Variants in OOSP4B observed in about 807,000 individuals in gnomAD.
OOSP4B encodes the protein oocyte secreted protein family member 4B.
chr11:60,030,356 C>T (rs545963928), intron 4 of OOSP4B, among the ~76,000 whole-genome samples: 75 of 152,252 alleles, frequency 4.9e-4, no homozygotes, highest in African/African-American at 1.7e-3. Flanking sequence ...ACATCTAATT[C>T]GCACTTTTCC....
chr11:60,022,221 TA>T (rs1409086040), intron 1 of OOSP4B: 1 of 152,134 alleles, frequency 6.6e-6, no homozygotes, highest in African/African-American at 2.4e-5. Flanking sequence ...GCTCCTTTCT[TA>T]GTCTGAATAA....
chr11:60,018,123 G>A (rs1183184436), intron 1 of OOSP4B, among the ~76,000 whole-genome samples: 1 of 152,182 alleles, frequency 6.6e-6, no homozygotes, highest in Non-Finnish European at 1.5e-5. Context: ...ATTACCGTGA[G>A]GTAATGAGAG....
rs114071295 is a variant in OOSP4B, at chr11:60,030,357, G to A, written c.450+428G>A. Among the ~76,000 whole-genome samples the A allele has an allele frequency of 4.0e-3, 607 of 152,190 alleles. 7 individuals are homozygous for A. Among genetic ancestry groups the A allele is most frequent in the African/African-American group, 0.014 (561 of 41,524 alleles). On this transcript the variant is annotated intron_variant, in intron 4 of 4. Transcript: ENST00000642343. ...CAGAGGAAGTCACTACATCTAATTC[G>A]CACTTTTCCTAAGATTAATACCTGT...
chr11:60,020,427 C>G (rs1057036207), intron 1 of OOSP4B, among the ~76,000 whole-genome samples: 1 of 114,596 alleles, frequency 8.7e-6, no homozygotes, highest in African/African-American at 3.5e-5. Flanking sequence ...TAAGGCCTAG[C>G]GAGAAGTCGA....
At chr11:60,019,233 T>A (rs4341560) in intron 1 of OOSP4B, among the ~76,000 whole-genome samples, 20 of 148,952 alleles carry the variant, frequency 1.3e-4, no homozygotes, top group African/African-American at 4.2e-4. Context: ...AGAAAAAAAA[T>A]AAAAAAAAAT....
At position 60,030,021 on chromosome 11, in the gene OOSP4B, G is replaced by A. The variant is rs78240557; in HGVS notation, c.450+92G>A. On this transcript the variant is annotated intron_variant, in intron 4 of 4. Transcript: ENST00000642343. ...CAATGATGTAAATTCCTATTTGAAT[G>A]CTGCATGCTGAAATTGCTCTGGTTT... The A allele has an allele frequency of 5.6e-3, 2,218 of 395,452 alleles. 45 individuals carry two copies. Among genetic ancestry groups the A allele is most frequent in the African/African-American group, 0.04 (1,954 of 48,652 alleles). 24.5% of individuals were successfully genotyped at this position (395,452 alleles called of 1,614,324 possible).
intron 1 of OOSP4B, among the ~76,000 whole-genome samples, 198 bp downstream of exon 1, chr11:60,017,611 T>G (rs1854640915): frequency 6.6e-6 from 1 of 152,130 alleles, no homozygotes; most frequent in African/African-American, 2.4e-5. Flanking sequence ...TATTACTCAG[T>G]TAAGAAAAAA....
intron 2 of OOSP4B, 43 bp downstream of exon 2, chr11:60,024,104 T>G (rs1009399511): frequency 7.5e-6 from 3 of 398,368 alleles, no homozygotes; most frequent in African/African-American, 2.1e-5. Context: ...TACTGAATTT[T>G]TTTTTCAGGG....
exon 1 of OOSP4B, chr11:60,017,344 C>G: frequency 2.5e-6 from 1 of 398,668 alleles, no homozygotes; most frequent in Non-Finnish European, 4.4e-6. Context: ...GAACCCCCAG[C>G]TCCTTGCCAT....
chr11:60,029,835 C>T (rs938885378), exon 4 of OOSP4B: 3 of 398,306 alleles, frequency 7.5e-6, no homozygotes, highest in African/African-American at 6.2e-5. Context: ...GATGCCCACA[C>T]CTTGAAAGAA....
intron 1 of OOSP4B, among the ~76,000 whole-genome samples, chr11:60,022,801 G>A (rs1854707225): frequency 6.6e-6 from 1 of 151,842 alleles, no homozygotes; most frequent in African/African-American, 2.4e-5. Flanking sequence ...AAATGTCACT[G>A]TGTGCCTGAT....
intron 3 of OOSP4B, among the ~76,000 whole-genome samples, chr11:60,028,721 G>A (rs1177580173): frequency 6.6e-6 from 1 of 152,154 alleles, no homozygotes; most frequent in South Asian, 2.1e-4. Flanking sequence ...TGTTTGCTGG[G>A]ATAGAGTAAT....
At chr11:60,030,191 T>C (rs1406226336) in intron 4 of OOSP4B, among the ~76,000 whole-genome samples, 1 of 152,194 alleles carries the variant, frequency 6.6e-6, no homozygotes, top group African/African-American at 2.4e-5. Flanking sequence ...ATTTTCAATA[T>C]AGCCTGTGAC....
At chr11:60,020,490 G>A (rs954342922) in intron 1 of OOSP4B, among the ~76,000 whole-genome samples, 12 of 152,324 alleles carry the variant, frequency 7.9e-5, no homozygotes, top group African/African-American at 1.7e-4. Flanking sequence ...GGGTGGGGGC[G>A]GGGGCCAGCC....
At chr11:60,023,441 T>C (rs1854713955) in intron 1 of OOSP4B, among the ~76,000 whole-genome samples, 1 of 152,208 alleles carries the variant, frequency 6.6e-6, no homozygotes, top group African/African-American at 2.4e-5. Flanking sequence ...TTAATTTTAA[T>C]GTCTTTTTTT....
At chr11:60,025,957 A>G (rs1565049713) in intron 3 of OOSP4B, among the ~76,000 whole-genome samples, 2 of 152,148 alleles carry the variant, frequency 1.3e-5, no homozygotes, top group Admixed American at 6.5e-5. Context: ...ATTTTCTGAT[A>G]ACTAATTATT....
chr11:60,025,382 A>T (rs758436879), intron 3 of OOSP4B, among the ~76,000 whole-genome samples: 3 of 152,222 alleles, frequency 2.0e-5, no homozygotes, highest in Non-Finnish European at 4.4e-5. Flanking sequence ...AAGTTAATGC[A>T]TTTGTCAACT....
chr11:60,024,627 A>G (rs1854726680), intron 2 of OOSP4B, among the ~76,000 whole-genome samples: 1 of 152,202 alleles, frequency 6.6e-6, no homozygotes, highest in Non-Finnish European at 1.5e-5. Flanking sequence ...GTTTATGAAT[A>G]TATGCAATTG....
At chr11:60,019,405 G>T in intron 1 of OOSP4B, 1 of 179,034 alleles carries the variant, frequency 5.6e-6, no homozygotes, top group South Asian at 1.7e-4. Flanking sequence ...GGAATTGGTG[G>T]GTTCTTGGTC....
Sources: allele counts gnomAD v4.1 joint callset (sites outside exome capture counted in the v4.1 genomes callset), GRCh38; gene constraint gnomAD v4.1.1; transcripts MANE v1.5; gene names NCBI Gene and HGNC (gene_info 2026-07-23, HGNC 2026-07-21).